Variants in SRPK2 observed in about 807,000 individuals in gnomAD.
SRPK2 encodes the protein SRSF protein kinase 2.
SRPK2 carries 21 observed loss-of-function variants against 90.8 expected under a neutral mutation model. The observed-to-expected ratio is 0.23, with a 90% confidence interval of 0.16 to 0.33. SRPK2 has a LOEUF of 0.33. Among genes scored for constraint, SRPK2 ranks in the 10% least tolerant of loss-of-function variants. The pLI is 1.00. For missense variants in SRPK2, 620 were observed against 869.0 expected (o/e 0.71, Z 3.60); for synonymous variants, 288 against 311.1 (o/e 0.93, Z 0.78).
At chr7:105,323,996 T>TAC (rs1290250786) in intron 2 of SRPK2, among the ~76,000 whole-genome samples, 13 of 57,232 alleles carry the variant, frequency 2.3e-4, no homozygotes, top group Non-Finnish European at 3.8e-4. Context: ...TGTGTGTGTG[T>TAC]GTGTGTGTGT....
At chr7:105,341,553 G>C (rs1049302040) in intron 2 of SRPK2, among the ~76,000 whole-genome samples, 1 of 151,924 alleles carries the variant, frequency 6.6e-6, no homozygotes, top group African/African-American at 2.4e-5. Context: ...CACACCTGTA[G>C]TCCCAGCTAC....
At chr7:105,198,960 T>C (rs757578637) in intron 3 of SRPK2, among the ~76,000 whole-genome samples, 5 of 152,134 alleles carry the variant, frequency 3.3e-5, no homozygotes, top group Non-Finnish European at 5.9e-5. Flanking sequence ...AGTAGGAACA[T>C]GGCTGTCAGG....
chr7:105,185,957 C>T (rs1793525410), intron 3 of SRPK2, among the ~76,000 whole-genome samples: 1 of 152,162 alleles, frequency 6.6e-6, no homozygotes, highest in Non-Finnish European at 1.5e-5. Flanking sequence ...ACTGTACCTA[C>T]ATAACTATAA....
At chr7:105,357,498 G>GT (rs1266767575) in intron 2 of SRPK2, among the ~76,000 whole-genome samples, 1 of 152,066 alleles carries the variant, frequency 6.6e-6, no homozygotes, top group Non-Finnish European at 1.5e-5. Context: ...TAGATCTGAT[G>GT]TAATACCAGC....
intron 2 of SRPK2, among the ~76,000 whole-genome samples, chr7:105,370,756 T>C (rs1308368064): frequency 6.6e-6 from 1 of 151,698 alleles, no homozygotes; most frequent in Non-Finnish European, 1.5e-5. Flanking sequence ...GCTGGGACTA[T>C]AGGCGTGCAC....
chr7:105,288,604 T>C (rs1393106975), intron 2 of SRPK2, among the ~76,000 whole-genome samples: 1 of 151,676 alleles, frequency 6.6e-6, no homozygotes, highest in Non-Finnish European at 1.5e-5. Context: ...CCATCTCAAA[T>C]AAACAACAAC....
chr7:105,251,902 A>G (rs73405897), intron 2 of SRPK2, among the ~76,000 whole-genome samples: 28 of 152,320 alleles, frequency 1.8e-4, no homozygotes, highest in African/African-American at 6.7e-4. Context: ...GAGGGGGAAG[A>G]AGGAGCTGAC....
At chr7:105,354,297 T>A (rs1817543218) in intron 2 of SRPK2, among the ~76,000 whole-genome samples, 2 of 152,154 alleles carry the variant, frequency 1.3e-5, no homozygotes, top group South Asian at 4.1e-4. Flanking sequence ...TTCCACCTTA[T>A]CCTTAAGACT....
chr7:105,280,791 C>CA (rs1357801792), intron 2 of SRPK2, among the ~76,000 whole-genome samples: 1 of 149,076 alleles, frequency 6.7e-6, no homozygotes, highest in Non-Finnish European at 1.5e-5. Context: ...ACTAAAAATA[C>CA]AAAAAATTAG....
intron 3 of SRPK2, among the ~76,000 whole-genome samples, chr7:105,176,761 GT>G (rs1585062377): frequency 1.3e-5 from 2 of 151,454 alleles, no homozygotes; most frequent in East Asian, 3.9e-4. Context: ...GTGTGTGTGT[GT>G]GTGTGTGTGT....
intron 2 of SRPK2, among the ~76,000 whole-genome samples, chr7:105,256,236 T>C (rs773412232): frequency 1.3e-5 from 2 of 152,316 alleles, no homozygotes; most frequent in African/African-American, 2.4e-5. Context: ...CAATGTGCTA[T>C]AGCACAGAAG....
Position 105,210,121 on chromosome 7 carries a change from G to A in SRPK2, c.72-6336C>T, listed in dbSNP as rs190231510. 3.7e-3 allele frequency among the ~76,000 whole-genome samples: 557 copies of A among 152,214 alleles called. 4 individuals carry two copies. Among genetic ancestry groups the A allele is most frequent in the African/African-American group, 9.4e-3 (389 of 41,518 alleles). On this transcript the variant is annotated intron_variant, in intron 2 of 15. Transcript: ENST00000393651. The stretch of plus-strand genomic sequence containing the variant: ...CCGATTTCCTCTCAGCTGCTACTGC[G>A]TATTTCTTTTCAGCAGAGAAAAGAA...
intron 2 of SRPK2, among the ~76,000 whole-genome samples, chr7:105,319,304 G>A (rs1044306452): frequency 5.3e-5 from 8 of 151,984 alleles, no homozygotes; most frequent in African/African-American, 1.9e-4. Flanking sequence ...CCATAGGTTC[G>A]TTTCTAAGAA....
At chr7:105,350,529 C>CTTTTTT (rs71152961) in intron 2 of SRPK2, among the ~76,000 whole-genome samples, 1 of 127,350 alleles carries the variant, frequency 7.9e-6, no homozygotes, top group Non-Finnish European at 1.6e-5. Flanking sequence ...AATTTTTTTT[C>CTTTTTT]TTTTTTTTTT....
At chr7:105,285,142 T>C (rs1030907479) in intron 2 of SRPK2, among the ~76,000 whole-genome samples, 6 of 152,070 alleles carry the variant, frequency 3.9e-5, no homozygotes, top group African/African-American at 1.4e-4. Context: ...TCCCAGCACT[T>C]TGGAAGCCCG....
At chr7:105,352,114 C>T (rs1467714214) in intron 2 of SRPK2, among the ~76,000 whole-genome samples, 1 of 152,056 alleles carries the variant, frequency 6.6e-6, no homozygotes, top group African/African-American at 2.4e-5. Context: ...GTCTAGAATC[C>T]CCGTCTTTTA....
chr7:105,318,294 C>A (rs1020730030), intron 2 of SRPK2, among the ~76,000 whole-genome samples: 3 of 152,026 alleles, frequency 2.0e-5, no homozygotes, highest in African/African-American at 7.2e-5. Flanking sequence ...AGGGTTTCAG[C>A]ATGTTGGCCA....
intron 2 of SRPK2, among the ~76,000 whole-genome samples, chr7:105,261,499 C>T (rs1052371580): frequency 2.0e-5 from 3 of 149,378 alleles, no homozygotes; most frequent in South Asian, 4.2e-4. Flanking sequence ...CCAGCCTGGG[C>T]GACAGAGCAA....
chr7:105,238,311 G>A (rs1048917412), intron 2 of SRPK2, among the ~76,000 whole-genome samples: 1 of 152,204 alleles, frequency 6.6e-6, no homozygotes, highest in African/African-American at 2.4e-5. Flanking sequence ...GCTGAGAAAA[G>A]TCTGGACAGG....
Sources: allele counts gnomAD v4.1 joint callset (sites outside exome capture counted in the v4.1 genomes callset), GRCh38; gene constraint gnomAD v4.1.1; transcripts MANE v1.5; gene names NCBI Gene and HGNC (gene_info 2026-07-23, HGNC 2026-07-21).